The following CDKAL1 variants were observed in gnomAD, a reference collection of about 807,000 sequenced individuals.
CDKAL1 encodes the protein CDKAL1 threonylcarbamoyladenosine tRNA methylthiotransferase, also known as threonylcarbamoyladenosine tRNA methylthiotransferase.
In CDKAL1, 32 loss-of-function variants were observed where a neutral mutation model predicts 68.2. The observed-to-expected ratio is 0.47, with a 90% CI of 0.35 to 0.63. CDKAL1 has a LOEUF of 0.63. Among genes scored for constraint, CDKAL1 ranks in the 30% least tolerant of loss-of-function variants. The pLI, the probability that CDKAL1 is intolerant of heterozygous loss-of-function variation, is 0.00. For missense variants in CDKAL1, 606 were observed against 696.7 expected (o/e 0.87, Z 1.47); for synonymous variants, 234 against 244.3 (o/e 0.96, Z 0.39).
rs545504634 is a variant in CDKAL1, at chr6:20,828,717, C to T, written c.639-17358C>T. On this transcript the variant is annotated intron_variant, in intron 8 of 15. Transcript: ENST00000274695. Reference sequence around the variant, plus strand: ...TAAACTAAACATTACGTAAAGTTGACCTTTTTAACTATTTTTAAGTGGATA... The same window carrying T: ...TAAACTAAACATTACGTAAAGTTGATCTTTTTAACTATTTTTAAGTGGATA... 3.3e-5 allele frequency among the ~76,000 whole-genome samples: 5 copies of T among 152,278 alleles called. No homozygotes were observed. In the South Asian group the frequency reaches 1.0e-3, roughly 32 times the overall value.
At chr6:20,568,242 C>T (rs2127674707) in intron 4 of CDKAL1, among the ~76,000 whole-genome samples, 1 of 152,246 alleles carries the variant, frequency 6.6e-6, no homozygotes, top group East Asian at 1.9e-4. Flanking sequence ...TCTCCTCCAA[C>T]TCCTGGCCTC....
At chr6:20,605,924 G>T (rs1036844159) in intron 4 of CDKAL1, among the ~76,000 whole-genome samples, 1 of 152,162 alleles carries the variant, frequency 6.6e-6, no homozygotes, top group African/African-American at 2.4e-5. Context: ...CAAGTACTCT[G>T]TCTTACAAAC....
intron 6 of CDKAL1, among the ~76,000 whole-genome samples, chr6:20,752,255 T>C (rs535212717): frequency 3.0e-4 from 45 of 152,276 alleles, no homozygotes; most frequent in Middle Eastern, 3.4e-3. Flanking sequence ...TTTTAAATTT[T>C]ACAGTTTTGG....
At chr6:21,206,929 C>CT (rs1346677154) in intron 15 of CDKAL1, among the ~76,000 whole-genome samples, 3 of 133,260 alleles carry the variant, frequency 2.3e-5, no homozygotes, top group Non-Finnish European at 3.5e-5. Flanking sequence ...ACTTTAATTT[C>CT]TTTTTTTTTT....
chr6:20,609,239 C>CTT (rs1766469502), intron 4 of CDKAL1, among the ~76,000 whole-genome samples: 4 of 144,862 alleles, frequency 2.8e-5, no homozygotes, highest in African/African-American at 1.0e-4. Context: ...CTTCCTTCTT[C>CTT]CTTCCTTCTT....
At chr6:20,780,670 C>CTTT (rs1223553462) in intron 7 of CDKAL1, among the ~76,000 whole-genome samples, 13 of 38,194 alleles carry the variant, frequency 3.4e-4, no homozygotes, top group African/African-American at 7.6e-4. Context: ...ATTTCTTTTT[C>CTTT]TTTTTTTTTT....
chr6:20,783,111 G>A (rs971671550), intron 8 of CDKAL1, among the ~76,000 whole-genome samples: 8 of 151,998 alleles, frequency 5.3e-5, no homozygotes, highest in Non-Finnish European at 5.9e-5. Flanking sequence ...TTCTAATTTA[G>A]TAGAGATGGA....
chr6:20,749,633 C>T (rs570860926), intron 6 of CDKAL1, among the ~76,000 whole-genome samples: 6 of 151,936 alleles, frequency 3.9e-5, no homozygotes, highest in African/African-American at 7.2e-5. Flanking sequence ...CTGCAAGCTC[C>T]GCCTCCTGGG....
intron 12 of CDKAL1, among the ~76,000 whole-genome samples, chr6:21,079,277 A>T (rs1772250949): frequency 6.6e-6 from 1 of 152,194 alleles, no homozygotes; most frequent in Non-Finnish European, 1.5e-5. Context: ...AAGCCATGTT[A>T]AATAGCTTTA....
chr6:20,998,630 A>AG (rs904101860), intron 10 of CDKAL1, among the ~76,000 whole-genome samples: 2 of 152,014 alleles, frequency 1.3e-5, no homozygotes, highest in African/African-American at 4.8e-5. Context: ...AAAAAGAAAA[A>AG]AAAAAAAAGA....
chr6:21,012,167 C>T (rs73379551), intron 11 of CDKAL1, among the ~76,000 whole-genome samples: 7 of 152,094 alleles, frequency 4.6e-5, no homozygotes, highest in African/African-American at 9.7e-5. Context: ...AAAGTCATAC[C>T]CGTCACTTTT....
chr6:20,925,159 A>G (rs1431251238), intron 9 of CDKAL1, among the ~76,000 whole-genome samples: 1 of 152,222 alleles, frequency 6.6e-6, no homozygotes. Flanking sequence ...ATTGGAGTCA[A>G]GACCTTTCAC....
At chr6:20,747,149 A>T (rs1195802793) in intron 6 of CDKAL1, among the ~76,000 whole-genome samples, 1 of 152,148 alleles carries the variant, frequency 6.6e-6, no homozygotes, top group East Asian at 1.9e-4. Flanking sequence ...CAGGTTCATC[A>T]GTGTTGTCAC....
chr6:21,046,758 C>G (rs764680940), intron 11 of CDKAL1, among the ~76,000 whole-genome samples: 35 of 152,238 alleles, frequency 2.3e-4, no homozygotes, highest in Non-Finnish European at 3.7e-4. Context: ...CTGCCACCTC[C>G]CTGCCACAGC....
At chr6:20,684,599 T>C (rs1157402729) in intron 5 of CDKAL1, among the ~76,000 whole-genome samples, 1 of 152,264 alleles carries the variant, frequency 6.6e-6, no homozygotes, top group Non-Finnish European at 1.5e-5. Flanking sequence ...TCTGTCAAAC[T>C]GTCTTCCAAG....
intron 8 of CDKAL1, among the ~76,000 whole-genome samples, chr6:20,799,040 GTTTTTTTTTTTTTTTTT>G (rs754008816): frequency 8.4e-5 from 4 of 47,510 alleles, no homozygotes; most frequent in South Asian, 1.1e-3. Context: ...AAAGAACTGA[GTTTTTTTTTTTTTTTTT>G]TTTTTTTTTT....
intron 13 of CDKAL1, among the ~76,000 whole-genome samples, chr6:21,156,210 C>T (rs1242926343): frequency 6.6e-6 from 1 of 152,018 alleles, no homozygotes; most frequent in African/African-American, 2.4e-5. Context: ...CACTTGAGCT[C>T]AGGAGTTTGA....
Position 20,999,663 on chromosome 6 carries a change from T to TAAAA in CDKAL1, c.910-543_910-540dup, listed in dbSNP as rs36078234. On this transcript the variant is annotated intron_variant, in intron 10 of 15. Coordinates refer to ENST00000274695, the MANE Select transcript of CDKAL1 (RefSeq NM_017774.3). ...TACTCAAAAAATATGTGACTGAAAT[T>TAAAA]AAAAAAAAAAAAAAAAAAAAAAAAG... is the stretch of plus-strand genomic sequence containing the variant. 8.1e-3 allele frequency among the ~76,000 whole-genome samples: 757 copies of TAAAA among 92,968 alleles called. 1 individual carries two copies. The highest frequency in any genetic ancestry group is 0.035 in the South Asian group (91 of 2,590). The allele number at this position is 92,968 out of a possible 152,430, so 61.0% of individuals were successfully genotyped here.
At chr6:20,920,851 C>T (rs894151359) in intron 9 of CDKAL1, among the ~76,000 whole-genome samples, 4 of 152,080 alleles carry the variant, frequency 2.6e-5, no homozygotes, top group African/African-American at 4.8e-5. Context: ...AGATACTGGC[C>T]CAGTCATTTT....
Sources: allele counts gnomAD v4.1 joint callset (sites outside exome capture counted in the v4.1 genomes callset), GRCh38; gene constraint gnomAD v4.1.1; transcripts MANE v1.5; gene names NCBI Gene and HGNC (gene_info 2026-07-23, HGNC 2026-07-21).